The following AUTS2 variants were observed in gnomAD, a reference collection of about 807,000 sequenced individuals.
AUTS2 encodes autism susceptibility gene 2 protein.
In AUTS2, 17 loss-of-function variants were observed where a neutral mutation model predicts 112.4. That is an observed-to-expected ratio of 0.15 (90% CI 0.10 to 0.23). The LOEUF is 0.23. AUTS2 is among the 10% of genes least tolerant of loss of function. The pLI, the probability that AUTS2 is intolerant of heterozygous loss-of-function variation, is 1.00. For synonymous variants in AUTS2, 751 were observed against 702.7 expected (o/e 1.07, Z -1.09); for missense variants, 1,510 against 1,701.6 (o/e 0.89, Z 1.98).
intron 5 of AUTS2, among the ~76,000 whole-genome samples, chr7:70,566,954 C>T (rs1240823604): frequency 6.6e-6 from 1 of 152,166 alleles, no homozygotes. Flanking sequence ...ACTGCATGTG[C>T]CTGAGGCCTC....
At chr7:70,604,048 C>T (rs1351992394) in intron 5 of AUTS2, among the ~76,000 whole-genome samples, 4 of 152,146 alleles carry the variant, frequency 2.6e-5, no homozygotes, top group Non-Finnish European at 4.4e-5. Context: ...ACAAACACAC[C>T]GTGACCCGGT....
intron 1 of AUTS2, among the ~76,000 whole-genome samples, chr7:69,851,896 A>G (rs1647199864): frequency 6.6e-6 from 1 of 152,136 alleles, no homozygotes; most frequent in Admixed American, 6.5e-5. Flanking sequence ...GATTTTTGTA[A>G]GCATATCATC....
chr7:70,598,954 C>G (rs1378376618), intron 5 of AUTS2, among the ~76,000 whole-genome samples: 1 of 152,202 alleles, frequency 6.6e-6, no homozygotes, highest in Non-Finnish European at 1.5e-5. Context: ...GGAAACAAGA[C>G]ATGAACAGGC....
chr7:70,700,033 A>G (rs1196272464), intron 6 of AUTS2, among the ~76,000 whole-genome samples: 1 of 152,090 alleles, frequency 6.6e-6, no homozygotes, highest in African/African-American at 2.4e-5. Context: ...CCTTTCTGGG[A>G]TCAGGCCCTA....
intron 4 of AUTS2, among the ~76,000 whole-genome samples, chr7:70,377,024 C>T (rs956788229): frequency 6.6e-6 from 1 of 151,624 alleles, no homozygotes; most frequent in African/African-American, 2.4e-5. Context: ...CAAATTGTGG[C>T]TTCATTGATG....
At chr7:69,943,049 T>A (rs571237650) in intron 2 of AUTS2, among the ~76,000 whole-genome samples, 1 of 152,340 alleles carries the variant, frequency 6.6e-6, no homozygotes, top group African/African-American at 2.4e-5. Context: ...TGTGTATACA[T>A]ATACACACAC....
At chr7:69,870,185 C>T (rs1793418510) in intron 1 of AUTS2, among the ~76,000 whole-genome samples, 1 of 151,584 alleles carries the variant, frequency 6.6e-6, no homozygotes. Context: ...ATATTTGGTC[C>T]CTGCCTTTGT....
At chr7:70,781,195 G>C (rs6973981) in intron 14 of AUTS2, among the ~76,000 whole-genome samples, 135,298 of 151,884 alleles carry the variant, frequency 0.89, 60,382 homozygotes, top group East Asian at 0.95. Context: ...ACCCCATATC[G>C]ACAAAAAATA....
intron 2 of AUTS2, among the ~76,000 whole-genome samples, chr7:69,908,932 C>G (rs1795249864): frequency 6.6e-6 from 1 of 152,122 alleles, no homozygotes; most frequent in Non-Finnish European, 1.5e-5. Flanking sequence ...TGCAGATTCC[C>G]AGGTAATCAC....
chr7:70,380,175 A>C (rs149213377), intron 4 of AUTS2, among the ~76,000 whole-genome samples: 61 of 152,292 alleles, frequency 4.0e-4, no homozygotes, highest in African/African-American at 1.3e-3. Flanking sequence ...GTAACATTTG[A>C]CTTGAGCAAG....
At chr7:70,549,657 A>T (rs1379277533) in intron 5 of AUTS2, among the ~76,000 whole-genome samples, 1 of 152,202 alleles carries the variant, frequency 6.6e-6, no homozygotes, top group African/African-American at 2.4e-5. Context: ...ATGCCATTGC[A>T]TTTCAGCCTG....
At chr7:69,672,404 C>T (rs1297422259) in intron 1 of AUTS2, among the ~76,000 whole-genome samples, 4 of 152,132 alleles carry the variant, frequency 2.6e-5, no homozygotes, top group Non-Finnish European at 5.9e-5. Context: ...GAAGATGTGT[C>T]CATGAACTCT....
At chr7:70,377,971 G>T (rs1268863249) in intron 4 of AUTS2, among the ~76,000 whole-genome samples, 2 of 151,686 alleles carry the variant, frequency 1.3e-5, no homozygotes, top group African/African-American at 2.4e-5. Context: ...GTAGAGACGG[G>T]GTTTCACCGT....
intron 2 of AUTS2, among the ~76,000 whole-genome samples, chr7:69,983,448 G>A (rs897148839): frequency 8.8e-4 from 133 of 151,858 alleles, no homozygotes; most frequent in African/African-American, 3.1e-3. Flanking sequence ...AGTTATTGGG[G>A]GTGACTTCAT....
intron 4 of AUTS2, among the ~76,000 whole-genome samples, chr7:70,346,258 TACTC>T (rs1345361670): frequency 4.6e-5 from 7 of 152,192 alleles, no homozygotes; most frequent in African/African-American, 9.7e-5. Context: ...GCCTGGGTGA[TACTC>T]AGGAGATTAT....
At chr7:70,711,713 C>T (rs566754151) in intron 6 of AUTS2, among the ~76,000 whole-genome samples, 1 of 152,248 alleles carries the variant, frequency 6.6e-6, no homozygotes, top group East Asian at 1.9e-4. Context: ...TCATGTAGAC[C>T]ATGACAAGCG....
intron 4 of AUTS2, among the ~76,000 whole-genome samples, chr7:70,325,133 T>G (rs1218790708): frequency 6.6e-6 from 1 of 152,070 alleles, no homozygotes; most frequent in Non-Finnish European, 1.5e-5. Context: ...GGAGTGAGGT[T>G]TCTTGTCCTC....
chr7:70,559,264 T>A (rs551292151), intron 5 of AUTS2, among the ~76,000 whole-genome samples: 3 of 152,088 alleles, frequency 2.0e-5, no homozygotes, highest in African/African-American at 7.2e-5. Flanking sequence ...CAATCTTGAG[T>A]GTATCTTTAT....
At chr7:70,206,389 T>G (rs1810577013) in intron 4 of AUTS2, among the ~76,000 whole-genome samples, 1 of 152,104 alleles carries the variant, frequency 6.6e-6, no homozygotes, top group African/African-American at 2.4e-5. Context: ...TTTCCTAGCA[T>G]TTTACTTTAT....
Sources: allele counts gnomAD v4.1 joint callset (sites outside exome capture counted in the v4.1 genomes callset), GRCh38; gene constraint gnomAD v4.1.1; transcripts MANE v1.5; gene names NCBI Gene and HGNC (gene_info 2026-07-23, HGNC 2026-07-21).